Variants in VEGFC observed in about 807,000 individuals in gnomAD.
VEGFC encodes vascular endothelial growth factor C, also known as FLT4 ligand DHM.
VEGFC carries 12 observed loss-of-function variants against 46.1 expected under a neutral mutation model. That is an observed-to-expected ratio of 0.26 (90% CI 0.17 to 0.42). The LOEUF is 0.42. VEGFC is among the 10% of genes least tolerant of loss of function. The pLI, the probability that VEGFC is intolerant of heterozygous loss-of-function variation, is 1.00. For missense variants in VEGFC, 488 were observed against 529.4 expected (o/e 0.92, Z 0.77); for synonymous variants, 232 against 195.5 (o/e 1.19, Z -1.56).
intron 4 of VEGFC, among the ~76,000 whole-genome samples, chr4:176,707,144 T>C (rs1293216128): frequency 6.6e-6 from 1 of 152,246 alleles, no homozygotes; most frequent in Non-Finnish European, 1.5e-5. Flanking sequence ...TCATCTTTCA[T>C]GGGCATTTGA....
chr4:176,750,797 GA>G (rs1283363584), intron 1 of VEGFC, among the ~76,000 whole-genome samples: 2 of 150,584 alleles, frequency 1.3e-5, no homozygotes, highest in African/African-American at 5.0e-5. Context: ...GTATCTTACA[GA>G]ACCAATGTTT....
chr4:176,770,372 T>C (rs753568263), intron 1 of VEGFC, among the ~76,000 whole-genome samples: 2 of 152,318 alleles, frequency 1.3e-5, no homozygotes, highest in Non-Finnish European at 2.9e-5. Flanking sequence ...TGACAACTCA[T>C]TTCCAATGCA....
intron 4 of VEGFC, among the ~76,000 whole-genome samples, chr4:176,711,296 G>A (rs1734615433): frequency 6.6e-6 from 1 of 152,020 alleles, no homozygotes; most frequent in African/African-American, 2.4e-5. Flanking sequence ...GAATTACTTT[G>A]CCTCTAAAAT....
chr4:176,767,399 C>T (rs1051295548), intron 1 of VEGFC, among the ~76,000 whole-genome samples: 8 of 152,198 alleles, frequency 5.3e-5, no homozygotes, highest in Non-Finnish European at 1.0e-4. Flanking sequence ...CCCTCTGCCT[C>T]ACCACATTTA....
intron 4 of VEGFC, among the ~76,000 whole-genome samples, chr4:176,708,209 A>G (rs1361573247): frequency 6.6e-6 from 1 of 151,666 alleles, no homozygotes; most frequent in Admixed American, 6.6e-5. Flanking sequence ...TGTATTATAT[A>G]TTCATATCAA....
At chr4:176,688,238 T>A (rs1734081782) in intron 4 of VEGFC, among the ~76,000 whole-genome samples, 1 of 152,222 alleles carries the variant, frequency 6.6e-6, no homozygotes, top group South Asian at 2.1e-4. Context: ...TAAAACCTTT[T>A]GCTTTAAAAT....
chr4:176,788,055 G>A (rs941585079), intron 1 of VEGFC, among the ~76,000 whole-genome samples: 2 of 152,146 alleles, frequency 1.3e-5, no homozygotes, highest in Non-Finnish European at 2.9e-5. Flanking sequence ...GAAGTATAAC[G>A]CTTCTGCCAA....
At position 176,792,326 on chromosome 4, in the gene VEGFC, G is replaced by A. The variant is rs766462580; in HGVS notation, c.-15C>T. ...AGCAAGTGCATGGTGGAAGGACCGG[G>A]GGTGGGGGACCGGTCCGCTGGCGGG... On this transcript the variant is annotated 5_prime_UTR_variant, in exon 1 of 7. Transcript: ENST00000618562. The surrounding 1 kb of genome is among the most constrained non-coding windows in gnomAD (Gnocchi z 6.3). 9.4e-6 allele frequency: 14 copies of A among 1,483,474 alleles called. No homozygotes were observed. Among genetic ancestry groups the A allele is most frequent in the Middle Eastern group, 2.1e-4 (1 of 4,800 alleles). The allele number at this position is 1,483,474 out of a possible 1,614,324, so 91.9% of individuals were successfully genotyped here.
In VEGFC at chr4:176,728,970, G is replaced by A. The variant is rs145323340; in HGVS notation, c.361+563C>T. On this transcript the variant is annotated intron_variant, in intron 2 of 6. Transcript: ENST00000618562. ...CCCACTTTGGCCTCCCAATGGTCTC[G>A]GATTACAGACATGAACCTCTGTGCC... Among the ~76,000 whole-genome samples, 1,293 of 152,088 alleles carry A rather than the reference G, an allele frequency of 8.5e-3. 9 individuals are homozygous for A. The highest frequency in any genetic ancestry group is 0.014 in the Middle Eastern group (4 of 294).
chr4:176,729,963 GA>G, intron 1 of VEGFC, among the ~76,000 whole-genome samples: 1 of 151,994 alleles, frequency 6.6e-6, no homozygotes, highest in Admixed American at 6.6e-5. Context: ...TTGTTGTTAG[GA>G]AAAAAATTTT....
chr4:176,781,936 A>T (rs545997684), intron 1 of VEGFC, among the ~76,000 whole-genome samples: 6 of 152,330 alleles, frequency 3.9e-5, no homozygotes, highest in African/African-American at 1.4e-4. Flanking sequence ...ACAAGGGAGA[A>T]AGTGCTGCCT....
intron 1 of VEGFC, among the ~76,000 whole-genome samples, chr4:176,761,686 G>A (rs1211284372): frequency 1.3e-5 from 2 of 152,170 alleles, no homozygotes; most frequent in Non-Finnish European, 2.9e-5. Flanking sequence ...TTGTCAGCCA[G>A]TTTCCCTACA....
chr4:176,719,211 C>T (rs1734741609), intron 3 of VEGFC, among the ~76,000 whole-genome samples: 1 of 152,124 alleles, frequency 6.6e-6, no homozygotes, highest in Admixed American at 6.6e-5. Context: ...TTAACATTAC[C>T]TAAGGTACAT....
intron 1 of VEGFC, among the ~76,000 whole-genome samples, chr4:176,745,485 G>A (rs962908730): frequency 2.6e-5 from 4 of 152,008 alleles, no homozygotes; most frequent in African/African-American, 9.7e-5. Context: ...GAAATAGCCA[G>A]ATAGAGTTCC....
At chr4:176,758,488 G>T (rs1995083) in intron 1 of VEGFC, among the ~76,000 whole-genome samples, 371 of 152,044 alleles carry the variant, frequency 2.4e-3, no homozygotes, top group Non-Finnish European at 3.9e-3. Context: ...TTTTAATCTT[G>T]GCAGCTGGTG....
chr4:176,773,444 A>G (rs1735755401), intron 1 of VEGFC, among the ~76,000 whole-genome samples: 1 of 152,234 alleles, frequency 6.6e-6, no homozygotes, highest in African/African-American at 2.4e-5. Context: ...CTCTCAAAAT[A>G]GTTAGTGAAA....
intron 1 of VEGFC, among the ~76,000 whole-genome samples, chr4:176,784,777 A>T (rs1735973958): frequency 6.7e-6 from 1 of 149,216 alleles, no homozygotes; most frequent in Non-Finnish European, 1.5e-5. Flanking sequence ...AAAAAAAAAA[A>T]AAGATAAAGT....
At chr4:176,717,459 T>C (rs556188640) in intron 3 of VEGFC, among the ~76,000 whole-genome samples, 3 of 152,220 alleles carry the variant, frequency 2.0e-5, no homozygotes, top group African/African-American at 4.8e-5. Context: ...TTTGAAACAA[T>C]AGGTTGTTTA....
In VEGFC at chr4:176,792,204, G is replaced by C. The variant is rs1391553530; in HGVS notation, c.108C>G (p.Leu36=). Residue 36 remains leucine (L), a synonymous_variant, in exon 1 of 7, where the codon CTC becomes CTG. Coordinates refer to ENST00000618562, the MANE Select transcript of VEGFC (RefSeq NM_005429.5). The surrounding 1 kb of genome is among the most constrained non-coding windows in gnomAD (Gnocchi z 6.3). ...CGTCGGGCTCCGCGTCCGAGAGGTC[G>C]AGTCCGGACTCGAAGGCGGCGGCGG... is the stretch of plus-strand genomic sequence containing the variant. ...PAAAAAFESG[L]DLSDAEPDAG... 2 of 1,554,814 alleles carry C rather than the reference G, an allele frequency of 1.3e-6. No homozygotes were observed. The highest frequency in any genetic ancestry group is 2.0e-5 in the Admixed American group (1 of 50,894).
Sources: allele counts gnomAD v4.1 joint callset (sites outside exome capture counted in the v4.1 genomes callset), GRCh38; gene constraint gnomAD v4.1.1; non-coding constraint Gnocchi (gnomAD v3.1); transcripts MANE v1.5; gene names NCBI Gene and HGNC (gene_info 2026-07-23, HGNC 2026-07-21).